TMEM132D: variants seen among roughly 807,000 people sequenced by gnomAD.
The protein encoded by TMEM132D is transmembrane protein 132D.
Under a neutral mutation model 62.3 loss-of-function variants are expected in TMEM132D, and 21 were observed. That is an observed-to-expected ratio of 0.34 (90% confidence interval 0.24 to 0.49). TMEM132D has a LOEUF of 0.49. Among genes scored for constraint, TMEM132D ranks in the 20% least tolerant of loss-of-function variants. The probability of loss-of-function intolerance (pLI) is 0.99; values close to 1 mark genes in which losing one functional copy is unlikely to be tolerated. For synonymous variants in TMEM132D, 621 were observed against 575.6 expected (o/e 1.08, Z -1.13); for missense variants, 1,346 against 1,402.8 (o/e 0.96, Z 0.65).
intron 2 of TMEM132D, among the ~76,000 whole-genome samples, chr12:129,654,279 CGTGT>C (rs925269582): frequency 1.6e-3 from 165 of 105,522 alleles, no homozygotes; most frequent in Middle Eastern, 4.9e-3. Context: ...CTCACTCTCT[CGTGT>C]GTGTGTGTGT....
intron 5 of TMEM132D, among the ~76,000 whole-genome samples, chr12:129,120,117 A>AT (rs368327702): frequency 6.8e-4 from 104 of 152,298 alleles, no homozygotes; most frequent in African/African-American, 2.5e-3. Context: ...CTGGACCATT[A>AT]TGGTGAGGAG....
chr12:129,098,490 C>G (rs1372582999), intron 5 of TMEM132D, among the ~76,000 whole-genome samples: 2 of 152,144 alleles, frequency 1.3e-5, no homozygotes, highest in Non-Finnish European at 2.9e-5. Context: ...TTTCTAGGGT[C>G]TCTACCAAGA....
intron 1 of TMEM132D, among the ~76,000 whole-genome samples, chr12:129,854,247 G>C (rs1018315294): frequency 1.2e-4 from 19 of 152,182 alleles, no homozygotes; most frequent in Non-Finnish European, 4.4e-5. Flanking sequence ...CCCAGGCACT[G>C]TCCTTAGCTG....
chr12:129,855,175 G>A (rs71466427), intron 1 of TMEM132D, among the ~76,000 whole-genome samples: 50 of 87,270 alleles, frequency 5.7e-4, no homozygotes, highest in African/African-American at 1.9e-3. Context: ...AACAGAGTCC[G>A]GGGGAACGGG....
At chr12:129,180,704 T>G (rs1352425949) in intron 5 of TMEM132D, among the ~76,000 whole-genome samples, 1 of 152,228 alleles carries the variant, frequency 6.6e-6, no homozygotes, top group Non-Finnish European at 1.5e-5. Context: ...AGGAGGCCGT[T>G]TCCAGATCTG....
chr12:129,166,632 T>C (rs1198794430), intron 5 of TMEM132D, among the ~76,000 whole-genome samples: 1 of 150,602 alleles, frequency 6.6e-6, no homozygotes, highest in Non-Finnish European at 1.5e-5. Flanking sequence ...AGTAAGAAGC[T>C]CATTACATAA....
intron 3 of TMEM132D, among the ~76,000 whole-genome samples, chr12:129,431,106 G>A (rs977158785): frequency 2.6e-5 from 4 of 152,182 alleles, no homozygotes; most frequent in African/African-American, 9.7e-5. Flanking sequence ...CGGCTGCTAC[G>A]CATTGTTATA....
intron 2 of TMEM132D, among the ~76,000 whole-genome samples, chr12:129,582,044 G>C (rs940379719): frequency 3.9e-5 from 6 of 152,206 alleles, no homozygotes; most frequent in African/African-American, 1.4e-4. Context: ...GGGAGGGTCA[G>C]TATCAGCTGT....
chr12:129,528,584 C>T (rs749042848), intron 3 of TMEM132D, among the ~76,000 whole-genome samples: 1 of 152,194 alleles, frequency 6.6e-6, no homozygotes, highest in Non-Finnish European at 1.5e-5. Context: ...AGTGTGCTCA[C>T]AAAAGTACCC....
At chr12:129,877,217 T>C (rs1438029494) in intron 1 of TMEM132D, among the ~76,000 whole-genome samples, 2 of 150,702 alleles carry the variant, frequency 1.3e-5, no homozygotes, top group Non-Finnish European at 3.0e-5. Flanking sequence ...TTAAAACTAT[T>C]AATATTATTC....
At chr12:129,091,377 C>T (rs1370342615) in intron 5 of TMEM132D, among the ~76,000 whole-genome samples, 1 of 150,468 alleles carries the variant, frequency 6.6e-6, no homozygotes, top group Non-Finnish European at 1.5e-5. Context: ...CCTAAGCTCA[C>T]ATGGTCTCTG....
At chr12:129,138,714 C>T (rs1249613312) in intron 5 of TMEM132D, among the ~76,000 whole-genome samples, 1 of 152,180 alleles carries the variant, frequency 6.6e-6, no homozygotes, top group East Asian at 1.9e-4. Context: ...GAGCAAGACT[C>T]CTTTTTAGAA....
At chr12:129,228,556 C>T (rs1476288066) in intron 4 of TMEM132D, among the ~76,000 whole-genome samples, 3 of 152,170 alleles carry the variant, frequency 2.0e-5, no homozygotes, top group Non-Finnish European at 4.4e-5. Flanking sequence ...CACAAATCTA[C>T]TTTCTGTCTG....
rs530185977 is a variant in TMEM132D at position 129,473,084 on chromosome 12, C to T, written c.1115+57975G>A. Among the ~76,000 whole-genome samples, 4 of 152,088 alleles carry T rather than the reference C, an allele frequency of 2.6e-5. No individual in the cohort carries two copies. In the South Asian group the frequency reaches 8.3e-4, roughly 32 times the overall value. On this transcript the variant is annotated intron_variant, in intron 3 of 8. Coordinates refer to ENST00000422113, the MANE Select transcript of TMEM132D (RefSeq NM_133448.3). ...TTCACCATGTTGGTCAGGCTGGTCTCGAACTCCTGACCTCGTGATCCACCT... is the reference window on the plus strand; with the variant it reads ...TTCACCATGTTGGTCAGGCTGGTCTTGAACTCCTGACCTCGTGATCCACCT...
chr12:129,655,391 C>T (rs772458416), intron 2 of TMEM132D, among the ~76,000 whole-genome samples: 1 of 151,980 alleles, frequency 6.6e-6, no homozygotes, highest in African/African-American at 2.4e-5. Context: ...AGATTACAGA[C>T]ATGCACCACC....
chr12:129,146,449 C>CCA (rs1876901861), intron 5 of TMEM132D, among the ~76,000 whole-genome samples: 1 of 152,156 alleles, frequency 6.6e-6, no homozygotes, highest in Admixed American at 6.5e-5. Context: ...TCTACCATGG[C>CCA]CACCAAAGTA....
chr12:129,598,000 A>G (rs1878383929), intron 2 of TMEM132D, among the ~76,000 whole-genome samples: 1 of 152,218 alleles, frequency 6.6e-6, no homozygotes, highest in Admixed American at 6.5e-5. Context: ...GTAGGGAAAT[A>G]GAAGAAGAAA....
chr12:129,656,791 T>C (rs1458362156), intron 2 of TMEM132D, among the ~76,000 whole-genome samples: 1 of 152,184 alleles, frequency 6.6e-6, no homozygotes, highest in African/African-American at 2.4e-5. Context: ...TAATCACTTA[T>C]AAGAGATAGG....
rs1346501292 is a variant in TMEM132D at position 129,476,893 on chromosome 12, C to T, written c.1115+54166G>A. Reference sequence around the variant, plus strand: ...CTCCGATAATCACAAACAAAACTTACGCTGCCTTCCAGTATAAGATGATCA... The same window carrying T: ...CTCCGATAATCACAAACAAAACTTATGCTGCCTTCCAGTATAAGATGATCA... On this transcript the variant is annotated intron_variant, in intron 3 of 8. Transcript: ENST00000422113. Among the ~76,000 whole-genome samples the T allele has an allele frequency of 6.6e-5, 10 of 152,270 alleles. No homozygotes were observed. In the East Asian group the frequency reaches 1.7e-3, roughly 26 times the overall value.
Sources: gnomAD v4.1 joint callset for allele counts (sites outside exome capture counted in the v4.1 genomes callset) on GRCh38, gnomAD v4.1.1 for gene constraint, MANE v1.5 for transcripts, NCBI Gene and HGNC (gene_info 2026-07-23, HGNC 2026-07-21) for gene names.